EEA1: variants seen among roughly 807,000 people sequenced by gnomAD.
EEA1 encodes the protein early endosome antigen 1, 162kD.
In EEA1, 111 loss-of-function variants were observed where a neutral mutation model predicts 209.2. The observed-to-expected ratio is 0.53, with a 90% confidence interval of 0.45 to 0.62. The LOEUF is 0.62. Ranked by LOEUF, EEA1 falls within the 20% of genes least tolerant of loss-of-function variation. The pLI, the probability that EEA1 is intolerant of heterozygous loss-of-function variation, is 0.00. For missense variants in EEA1, 1,343 were observed against 1,530.8 expected (o/e 0.88, Z 2.05); for synonymous variants, 536 against 540.6 (o/e 0.99, Z 0.12).
chr12:92,845,515 G>A (rs1397483639), intron 9 of EEA1, among the ~76,000 whole-genome samples: 1 of 152,124 alleles, frequency 6.6e-6, no homozygotes, highest in Non-Finnish European at 1.5e-5. Flanking sequence ...GATTGTATGT[G>A]CCTTGGACTT....
At chr12:92,878,468 A>T (rs970530673) in intron 2 of EEA1, among the ~76,000 whole-genome samples, 3 of 152,206 alleles carry the variant, frequency 2.0e-5, no homozygotes, top group African/African-American at 7.2e-5. Flanking sequence ...CAGCTAAAAG[A>T]ATAGCAAGTT....
intron 3 of EEA1, among the ~76,000 whole-genome samples, chr12:92,864,246 T>A (rs2136722851): frequency 6.6e-6 from 1 of 152,246 alleles, no homozygotes; most frequent in East Asian, 1.9e-4. Context: ...TAGGAAAGCA[T>A]AAAAATACTT....
chr12:92,890,386 GTA>G (rs1435493092), intron 2 of EEA1, among the ~76,000 whole-genome samples: 1 of 152,052 alleles, frequency 6.6e-6, no homozygotes. Flanking sequence ...AACAGGTATG[GTA>G]TAGGTATGAT....
intron 18 of EEA1, among the ~76,000 whole-genome samples, chr12:92,804,516 G>A (rs1443141661): frequency 6.9e-6 from 1 of 145,208 alleles, no homozygotes; most frequent in Non-Finnish European, 1.5e-5. Flanking sequence ...AGGTTGCAGT[G>A]AGCCGAGATC....
At chr12:92,822,785 T>A (rs1427681412) in intron 13 of EEA1, among the ~76,000 whole-genome samples, 1 of 152,210 alleles carries the variant, frequency 6.6e-6, no homozygotes, top group Admixed American at 6.5e-5. Context: ...TTAACATATA[T>A]AGCACGATTC....
intron 2 of EEA1, chr12:92,884,502 T>C: frequency 6.7e-7 from 1 of 1,485,062 alleles, no homozygotes; most frequent in Non-Finnish European, 9.3e-7. Flanking sequence ...GGAAGCAATT[T>C]TGGAGGTGGT....
At chr12:92,892,913 A>G (rs977765596) in intron 1 of EEA1, among the ~76,000 whole-genome samples, 11 of 152,204 alleles carry the variant, frequency 7.2e-5, no homozygotes, top group African/African-American at 2.7e-4. Context: ...TACAGGCATG[A>G]GCCACAGCGC....
intron 1 of EEA1, among the ~76,000 whole-genome samples, chr12:92,926,972 A>C (rs1191657963): frequency 6.6e-6 from 1 of 152,228 alleles, no homozygotes; most frequent in Non-Finnish European, 1.5e-5. Flanking sequence ...CCCACAGCTT[A>C]ATCAACTGTT....
At chr12:92,779,346 T>C in intron 24 of EEA1, 46 bp from the exon 25 acceptor site, 1 of 1,518,260 alleles carries the variant, frequency 6.6e-7, no homozygotes, top group Admixed American at 2.6e-5. Context: ...TCATAGTAAA[T>C]ATTTCAAAAT....
intron 15 of EEA1, 32 bp from the exon 16 acceptor site, chr12:92,813,125 T>C (rs993727382): frequency 2.1e-6 from 3 of 1,397,460 alleles, no homozygotes; most frequent in Non-Finnish European, 2.0e-6. Context: ...ATTTAATTTA[T>C]ATTTAGTTCT....
At chr12:92,794,810 A>C (rs1874585182) in intron 21 of EEA1, among the ~76,000 whole-genome samples, 2 of 152,088 alleles carry the variant, frequency 1.3e-5, no homozygotes, top group Non-Finnish European at 2.9e-5. Flanking sequence ...CAGCAAACCA[A>C]CATGGCACAT....
chr12:92,927,446 G>A (rs889892149), intron 1 of EEA1, among the ~76,000 whole-genome samples: 4 of 152,142 alleles, frequency 2.6e-5, no homozygotes, highest in African/African-American at 9.7e-5. Context: ...CAGTTGATAG[G>A]TATGCACCAA....
chr12:92,884,612 G>A, intron 2 of EEA1: 2 of 1,392,872 alleles, frequency 1.4e-6, no homozygotes, highest in Non-Finnish European at 2.0e-6. Flanking sequence ...CCCCTATGGT[G>A]GTGGAGGCCA....
intron 25 of EEA1, 51 bp from the exon 26 acceptor site, chr12:92,778,230 A>G: frequency 7.0e-7 from 1 of 1,425,360 alleles, no homozygotes; most frequent in South Asian, 1.2e-5. Flanking sequence ...GTAGTGCAAA[A>G]TAAATGTAAG....
At chr12:92,855,446 A>AG (rs1877835316) in intron 5 of EEA1, among the ~76,000 whole-genome samples, 1 of 152,004 alleles carries the variant, frequency 6.6e-6, no homozygotes, top group South Asian at 2.1e-4. Context: ...AAAAAAAAAA[A>AG]AAAAATGCTA....
chr12:92,901,240 T>C lies in EEA1; in HGVS notation c.25-9519A>G, dbSNP rs1056715654. Among the ~76,000 whole-genome samples, 3 of 151,976 alleles carry C rather than the reference T, an allele frequency of 2.0e-5. No homozygotes were observed. The East Asian group carries it at 5.8e-4, about 29-fold the overall frequency. On this transcript the variant is annotated intron_variant, in intron 1 of 28. Coordinates refer to ENST00000322349, the MANE Select transcript of EEA1 (RefSeq NM_003566.4). Reference sequence around the variant, plus strand: ...GTACTTTTTTTTATTTTTGTAAAGATGAGGTCTCTGTATGTTGCCTAGGCT... The same window carrying C: ...GTACTTTTTTTTATTTTTGTAAAGACGAGGTCTCTGTATGTTGCCTAGGCT...
At chr12:92,814,426 C>G (rs1875679710) in intron 15 of EEA1, among the ~76,000 whole-genome samples, 1 of 152,064 alleles carries the variant, frequency 6.6e-6, no homozygotes, top group Non-Finnish European at 1.5e-5. Context: ...TCTGAGGAAC[C>G]AAAAACTCAT....
chr12:92,825,117 T>C (rs1876230681), intron 13 of EEA1, among the ~76,000 whole-genome samples: 1 of 152,108 alleles, frequency 6.6e-6, no homozygotes, highest in African/African-American at 2.4e-5. Context: ...CTGAGCACAG[T>C]GATTAATGAA....
chr12:92,870,039 A>C (rs1302319229), intron 2 of EEA1, among the ~76,000 whole-genome samples: 1 of 152,032 alleles, frequency 6.6e-6, no homozygotes, highest in Non-Finnish European at 1.5e-5. Flanking sequence ...CCTCCTATAA[A>C]GTTTTTCCTG....
Sources: gnomAD v4.1 joint callset for allele counts (sites outside exome capture counted in the v4.1 genomes callset) on GRCh38, gnomAD v4.1.1 for gene constraint, MANE v1.5 for transcripts, NCBI Gene and HGNC (gene_info 2026-07-23, HGNC 2026-07-21) for gene names.